The following L3MBTL4 variants were observed in gnomAD, a reference collection of about 807,000 sequenced individuals.
L3MBTL4 encodes lethal(3)malignant brain tumor-like protein 4.
Under a neutral mutation model 84.5 loss-of-function variants are expected in L3MBTL4, and 70 were observed. The observed-to-expected ratio is 0.83, with a 90% CI of 0.68 to 1.01. The LOEUF (loss-of-function observed/expected upper bound fraction) is 1.01. Among genes scored for constraint, L3MBTL4 ranks in the 50% least tolerant of loss-of-function variants. The probability of loss-of-function intolerance (pLI) is 0.00; values close to 1 mark genes in which losing one functional copy is unlikely to be tolerated. For missense variants in L3MBTL4, 715 were observed against 754.8 expected (o/e 0.95, Z 0.62); for synonymous variants, 274 against 259.8 (o/e 1.05, Z -0.52).
chr18:6,078,434 A>T (rs960376836), intron 16 of L3MBTL4, among the ~76,000 whole-genome samples: 7 of 148,742 alleles, frequency 4.7e-5, no homozygotes, highest in Admixed American at 4.0e-4. Context: ...CTCAAAAAAA[A>T]AAAACAAAAA....
intron 4 of L3MBTL4, among the ~76,000 whole-genome samples, chr18:6,275,200 T>G: frequency 6.6e-6 from 1 of 151,966 alleles, no homozygotes; most frequent in East Asian, 1.9e-4. Context: ...AGGAGGAGCC[T>G]AGTGACCTGC....
At chr18:6,072,268 G>A (rs1162622761) in intron 16 of L3MBTL4, among the ~76,000 whole-genome samples, 1 of 152,010 alleles carries the variant, frequency 6.6e-6, no homozygotes. Context: ...TATCAGTAAA[G>A]ATAATAAAGA....
chr18:6,295,309 A>ACTCTCTCTCTCTCTCTCTCT (rs58507219), intron 4 of L3MBTL4, among the ~76,000 whole-genome samples: 3 of 62,738 alleles, frequency 4.8e-5, no homozygotes, highest in African/African-American at 1.7e-4. Flanking sequence ...AACAACAACA[A>ACTCTCTCTCTCTCTCTCTCT]CTCTCTCTCT....
At chr18:6,405,878 T>G (rs2055714496) in intron 1 of L3MBTL4, among the ~76,000 whole-genome samples, 1 of 152,236 alleles carries the variant, frequency 6.6e-6, no homozygotes, top group Non-Finnish European at 1.5e-5. Context: ...TGGTTATGAG[T>G]TTCCTGGAAC....
At chr18:6,133,661 G>C (rs2059943891) in intron 14 of L3MBTL4, among the ~76,000 whole-genome samples, 1 of 152,180 alleles carries the variant, frequency 6.6e-6, no homozygotes, top group Non-Finnish European at 1.5e-5. Flanking sequence ...CCTACCCCAG[G>C]AATGTCAGGC....
At chr18:6,104,044 A>G (rs1465746799) in intron 14 of L3MBTL4, among the ~76,000 whole-genome samples, 1 of 152,212 alleles carries the variant, frequency 6.6e-6, no homozygotes, top group African/African-American at 2.4e-5. Context: ...TCAATTCAAA[A>G]GGTGGCCCAG....
intron 1 of L3MBTL4, among the ~76,000 whole-genome samples, chr18:6,377,504 G>C (rs1013772488): frequency 6.6e-6 from 1 of 152,094 alleles, no homozygotes; most frequent in Non-Finnish European, 1.5e-5. Flanking sequence ...CCAGGTGTGT[G>C]ATGTTCCCCT....
intron 14 of L3MBTL4, among the ~76,000 whole-genome samples, chr18:6,103,785 G>A (rs544580562): frequency 4.1e-4 from 62 of 152,330 alleles, no homozygotes; most frequent in Middle Eastern, 3.4e-3. Flanking sequence ...ACCCTGAAAT[G>A]TTTTGAAAGT....
At chr18:6,313,064 T>C (rs2601560) in intron 1 of L3MBTL4, among the ~76,000 whole-genome samples, 28,202 of 152,174 alleles carry the variant, frequency 0.19, 2,724 homozygotes, top group Middle Eastern at 0.22. Flanking sequence ...AAGTGTGTCT[T>C]TTCTACATTG....
intron 16 of L3MBTL4, among the ~76,000 whole-genome samples, chr18:5,978,035 G>A (rs983391516): frequency 6.6e-6 from 1 of 152,172 alleles, no homozygotes; most frequent in Non-Finnish European, 1.5e-5. Flanking sequence ...CACATGGTGC[G>A]GTGTAGCAGG....
chr18:6,167,305 G>A (rs1010143115), intron 13 of L3MBTL4, among the ~76,000 whole-genome samples: 14 of 152,126 alleles, frequency 9.2e-5, no homozygotes, highest in Non-Finnish European at 1.9e-4. Flanking sequence ...GAAAAAGAGG[G>A]AATCCTCCCT....
intron 14 of L3MBTL4, among the ~76,000 whole-genome samples, chr18:6,134,872 C>T (rs533252223): frequency 3.9e-5 from 6 of 152,304 alleles, no homozygotes; most frequent in Admixed American, 2.0e-4. Context: ...GCCCTCTTCT[C>T]ACAGCTCCAC....
intron 1 of L3MBTL4, among the ~76,000 whole-genome samples, chr18:6,398,477 C>G (rs757748173): frequency 6.6e-6 from 1 of 152,122 alleles, no homozygotes; most frequent in South Asian, 2.1e-4. Flanking sequence ...CCTGGGATCA[C>G]GTCAGGCATA....
At chr18:6,075,383 G>T (rs1270674534) in intron 16 of L3MBTL4, among the ~76,000 whole-genome samples, 1 of 152,046 alleles carries the variant, frequency 6.6e-6, no homozygotes, top group African/African-American at 2.4e-5. Flanking sequence ...CACATAAATG[G>T]TTACTCGATT....
chr18:5,998,457 G>A (rs1009972976), intron 16 of L3MBTL4, among the ~76,000 whole-genome samples: 2 of 152,160 alleles, frequency 1.3e-5, no homozygotes, highest in African/African-American at 2.4e-5. Flanking sequence ...TTTCCTGGAG[G>A]GGCCCTTCAG....
chr18:6,405,144 A>G (rs2055672807), intron 1 of L3MBTL4, among the ~76,000 whole-genome samples: 1 of 152,250 alleles, frequency 6.6e-6, no homozygotes, highest in Non-Finnish European at 1.5e-5. Flanking sequence ...CCCAACTAGG[A>G]CATGCAAAGG....
At chr18:5,983,623 TA>T (rs2053335569) in intron 16 of L3MBTL4, among the ~76,000 whole-genome samples, 1 of 152,100 alleles carries the variant, frequency 6.6e-6, no homozygotes, top group African/African-American at 2.4e-5. Context: ...GGGTAATATT[TA>T]GGAACATTCT....
At chr18:6,374,201 G>T (rs1216628331) in intron 1 of L3MBTL4, among the ~76,000 whole-genome samples, 1 of 152,126 alleles carries the variant, frequency 6.6e-6, no homozygotes, top group Non-Finnish European at 1.5e-5. Context: ...TCCAGTCACT[G>T]CCACTGAACA....
chr18:6,278,999 G>C (rs1387310679), intron 4 of L3MBTL4, among the ~76,000 whole-genome samples: 1 of 152,090 alleles, frequency 6.6e-6, no homozygotes, highest in Non-Finnish European at 1.5e-5. Flanking sequence ...AAGTGACCAG[G>C]AACGTAGAGA....
Sources: allele counts gnomAD v4.1 joint callset (sites outside exome capture counted in the v4.1 genomes callset), GRCh38; gene constraint gnomAD v4.1.1; transcripts MANE v1.5; gene names NCBI Gene and HGNC (gene_info 2026-07-23, HGNC 2026-07-21).